MEF2C: variants seen among roughly 807,000 people sequenced by gnomAD.
MEF2C encodes myocyte enhancer factor 2C, also known as myocyte-specific enhancer factor 2C.
Under a neutral mutation model 50.5 loss-of-function variants are expected in MEF2C, and 6 were observed. The observed-to-expected ratio is 0.12, with a 90% CI of 0.07 to 0.23. MEF2C has a LOEUF of 0.23. MEF2C is among the 10% of genes least tolerant of loss of function. The pLI is 1.00. For missense variants in MEF2C, 276 were observed against 605.0 expected (o/e 0.46, Z 5.70); for synonymous variants, 183 against 228.0 (o/e 0.80, Z 1.78).
chr5:88,744,057 A>G (rs943860043), intron 6 of MEF2C: 23 of 978,484 alleles, frequency 2.4e-5, no homozygotes, highest in Non-Finnish European at 2.8e-5. Context: ...CTATGAATCA[A>G]TAACTCCTTG....
At chr5:88,875,347 T>A (rs1397211118) in intron 1 of MEF2C, among the ~76,000 whole-genome samples, 1 of 151,948 alleles carries the variant, frequency 6.6e-6, no homozygotes, top group Non-Finnish European at 1.5e-5. Flanking sequence ...TCAATAAAAA[T>A]TTTTGCAGCA....
In MEF2C at chr5:88,794,652, C is replaced by T. The variant is rs1343127195; in HGVS notation, c.258+9946G>A. ...CAGAAGCTCTTTAGTTTAATTAGGTCCCATTTGTCAATTTTGGCTTTTGTT... is the reference window on the plus strand; with the variant it reads ...CAGAAGCTCTTTAGTTTAATTAGGTTCCATTTGTCAATTTTGGCTTTTGTT... On this transcript the variant is annotated intron_variant, in intron 3 of 10. Coordinates refer to ENST00000504921, the MANE Select transcript of MEF2C (RefSeq NM_002397.5). Among the ~76,000 whole-genome samples, 3 of 152,092 alleles carry T rather than the reference C, an allele frequency of 2.0e-5. No individual in the cohort carries two copies. In the South Asian group the frequency reaches 6.2e-4, roughly 32 times the overall value.
At chr5:88,824,032 A>C (rs1181289144) in intron 1 of MEF2C, 102 bp from the exon 2 acceptor site, 2 of 1,105,788 alleles carry the variant, frequency 1.8e-6, no homozygotes, top group Admixed American at 8.0e-5. Flanking sequence ...TATGGAGCTA[A>C]AGCAATAAAA....
chr5:88,783,153 T>C (rs1562004842), intron 3 of MEF2C, among the ~76,000 whole-genome samples: 1 of 152,204 alleles, frequency 6.6e-6, no homozygotes, highest in Non-Finnish European at 1.5e-5. Flanking sequence ...CTACCACTTA[T>C]TGCTTGATGA....
intron 1 of MEF2C, chr5:88,889,397 C>A (rs563589439): frequency 2.1e-4 from 32 of 154,204 alleles, no homozygotes; most frequent in Admixed American, 3.3e-4. Flanking sequence ...CTTCCCCCCC[C>A]CCTTTTCTCC....
intron 4 of MEF2C, among the ~76,000 whole-genome samples, chr5:88,758,310 C>G (rs1343301485): frequency 6.6e-6 from 1 of 152,112 alleles, no homozygotes; most frequent in Non-Finnish European, 1.5e-5. Flanking sequence ...CATTCAGCCC[C>G]TTTCCTAACT....
At chr5:88,871,764 A>T (rs992614999) in intron 1 of MEF2C, among the ~76,000 whole-genome samples, 1 of 152,224 alleles carries the variant, frequency 6.6e-6, no homozygotes, top group East Asian at 1.9e-4. Context: ...TATAATCCTC[A>T]GGTACAATTC....
At chr5:88,891,503 T>G (rs993248690) in intron 1 of MEF2C, among the ~76,000 whole-genome samples, 1 of 149,758 alleles carries the variant, frequency 6.7e-6, no homozygotes, top group Non-Finnish European at 1.5e-5. Context: ...CCTGGGTTCA[T>G]GCCATTCTCC....
At position 88,721,360 on chromosome 5, in the gene MEF2C, T is replaced by C. The variant is rs1020149979; in HGVS notation, c.*1244A>G. Reference sequence around the variant, plus strand: ...GAAAGAAACTAGTATATACAATGGATGTCAGTTGACCCAATAGATTGCTAA... The same window carrying C: ...GAAAGAAACTAGTATATACAATGGACGTCAGTTGACCCAATAGATTGCTAA... On this transcript the variant is annotated 3_prime_UTR_variant, in exon 11 of 11. Coordinates refer to ENST00000504921, the MANE Select transcript of MEF2C (RefSeq NM_002397.5). The C allele has an allele frequency of 3.3e-5, 5 of 152,634 alleles. No individual in the cohort carries two copies. The highest frequency in any genetic ancestry group is 2.6e-4 in the Admixed American group (4 of 15,274). 9.5% of individuals were successfully genotyped at this position (152,634 alleles called of 1,614,324 possible).
At chr5:88,799,497 G>A (rs1797376640) in intron 3 of MEF2C, among the ~76,000 whole-genome samples, 1 of 152,210 alleles carries the variant, frequency 6.6e-6, no homozygotes, top group Non-Finnish European at 1.5e-5. Flanking sequence ...TTGTGATACT[G>A]AGTTTGTAAA....
chr5:88,849,507 A>C (rs1820526028), intron 1 of MEF2C, among the ~76,000 whole-genome samples: 1 of 152,228 alleles, frequency 6.6e-6, no homozygotes, highest in Non-Finnish European at 1.5e-5. Flanking sequence ...ATCTACAATA[A>C]AAGTTTGAAC....
chr5:88,881,868 T>C (rs1178758413), intron 1 of MEF2C, among the ~76,000 whole-genome samples: 1 of 152,166 alleles, frequency 6.6e-6, no homozygotes, highest in African/African-American at 2.4e-5. Flanking sequence ...ACGCACTTTG[T>C]GTCAAAGCAA....
chr5:88,766,404 A>T (rs888595393), intron 3 of MEF2C, among the ~76,000 whole-genome samples: 1 of 152,204 alleles, frequency 6.6e-6, no homozygotes, highest in Non-Finnish European at 1.5e-5. Context: ...GTTATTTAAA[A>T]AATTTTTTCC....
In MEF2C at chr5:88,722,488, C is replaced by CTTTT; in HGVS notation, c.*112_*115dup. On this transcript the variant is annotated 3_prime_UTR_variant, in exon 11 of 11. Transcript: ENST00000504921. ...TACTTTTACAAAACAGAGTACCTGACTTTTTTTTTTTCCACACACGGCACA... is the reference window on the plus strand; with the variant it reads ...TACTTTTACAAAACAGAGTACCTGACTTTTTTTTTTTTTTTCCACACACGGCACA... The CTTTT allele has an allele frequency of 1.4e-6, 1 of 735,258 alleles. No homozygotes were observed. Among genetic ancestry groups the CTTTT allele is most frequent in the African/African-American group, 1.9e-5 (1 of 54,008 alleles). 45.5% of individuals were successfully genotyped at this position (735,258 alleles called of 1,614,324 possible).
chr5:88,733,028 T>C, intron 6 of MEF2C: 2 of 965,160 alleles, frequency 2.1e-6, no homozygotes, highest in Non-Finnish European at 2.5e-6. Flanking sequence ...AATCTCTTTG[T>C]GGTAATCCAA....
intron 2 of MEF2C, among the ~76,000 whole-genome samples, chr5:88,815,070 T>C (rs1275060477): frequency 6.6e-6 from 1 of 152,118 alleles, no homozygotes; most frequent in Non-Finnish European, 1.5e-5. Flanking sequence ...ATAAAATAAA[T>C]ACCTTTGTTT....
chr5:88,880,087 G>A (rs544079687), intron 1 of MEF2C, among the ~76,000 whole-genome samples: 4 of 151,822 alleles, frequency 2.6e-5, no homozygotes, highest in Non-Finnish European at 5.9e-5. Flanking sequence ...TGCTAAGGAC[G>A]GGGATCTTAA....
chr5:88,796,836 T>C (rs1337676913), intron 3 of MEF2C, among the ~76,000 whole-genome samples: 2 of 152,240 alleles, frequency 1.3e-5, no homozygotes, highest in East Asian at 1.9e-4. Context: ...TTTGTTCTCA[T>C]TGGTTTCAAA....
chr5:88,726,401 G>A (rs991651803), intron 10 of MEF2C, among the ~76,000 whole-genome samples: 6 of 152,038 alleles, frequency 3.9e-5, no homozygotes, highest in African/African-American at 1.4e-4. Context: ...TGCAGCTTGG[G>A]ATTTTTTAAA....
Sources: gnomAD v4.1 joint callset for allele counts (sites outside exome capture counted in the v4.1 genomes callset) on GRCh38, gnomAD v4.1.1 for gene constraint, MANE v1.5 for transcripts, NCBI Gene and HGNC (gene_info 2026-07-23, HGNC 2026-07-21) for gene names.